The following SEZ6 variants were observed in gnomAD, a reference collection of about 807,000 sequenced individuals.
The protein encoded by SEZ6 is seizure protein 6 homolog.
SEZ6 carries 53 observed loss-of-function variants against 101.0 expected under a neutral mutation model. That is an observed-to-expected ratio of 0.52 (90% confidence interval 0.42 to 0.66). SEZ6 has a LOEUF of 0.66. SEZ6 is among the 30% of genes least tolerant of loss of function. The pLI is 0.00. For missense variants in SEZ6, 1,102 were observed against 1,289.4 expected (o/e 0.85, Z 2.23); for synonymous variants, 488 against 512.2 (o/e 0.95, Z 0.64).
At position 28,960,947 on chromosome 17, in the gene SEZ6, C is replaced by T. The variant is rs769823626; in HGVS notation, c.1267G>A (p.Ala423Thr). 2.7e-5 allele frequency: 43 copies of T among 1,613,504 alleles called. No individual in the cohort carries two copies. The highest frequency in any genetic ancestry group is 3.3e-4 in the Middle Eastern group (2 of 6,082). Residue 423 changes from alanine to threonine, a missense_variant, in exon 6 of 17, where the codon GCC becomes ACC. Physicochemically the swap from Ala to Thr is moderately conservative, Grantham distance 58. Coordinates refer to ENST00000317338, the MANE Select transcript of SEZ6 (RefSeq NM_178860.5). ...GGAGAGACGATGCGGCCGGTGGTGG[C>T]ATTGCGGATCACTCCGCCGCAAGCA... ...IAACGGVIRNATTGRIVSPGF... is the reference protein window; with the variant it reads ...IAACGGVIRNTTTGRIVSPGF...
chr17:28,991,727 ACTT>A (rs767746696), intron 1 of SEZ6, among the ~76,000 whole-genome samples: 5 of 152,098 alleles, frequency 3.3e-5, no homozygotes, highest in Non-Finnish European at 5.9e-5. Context: ...GGAGCCCTGG[ACTT>A]CTTCGAGTTT....
intron 7 of SEZ6, 199 bp downstream of exon 7, chr17:28,960,306 T>C: frequency 1.4e-6 from 1 of 708,450 alleles, no homozygotes; most frequent in Non-Finnish European, 2.3e-6. Context: ...CAGGCAGAGG[T>C]TTCCTGCAAA....
In SEZ6 at chr17:28,959,163, G is replaced by C. The variant is rs548180123; in HGVS notation, c.1969C>G (p.Arg657Gly). ...GGCCCTGAGTACTGGCCCAGAACCC[G>C]GGCCGTCAGGTCATCCCCATCATAG... ...TFYDGDDLTA[R>G]VLGQYSGPRS... The change falls in exon 10 of 17, where the codon CGG (arginine) becomes GGG (glycine). Residue 657 changes from arginine (R) to glycine (G), a missense_variant. Coordinates refer to ENST00000317338, the MANE Select transcript of SEZ6 (RefSeq NM_178860.5). This position sits in a 1 kb window ranked among gnomAD's most constrained non-coding sequence, Gnocchi z 4.4. 6.2e-7 allele frequency: 1 copy of C among 1,613,632 alleles called. No individual in the cohort carries two copies. The highest frequency in any genetic ancestry group is 8.5e-7 in the Non-Finnish European group (1 of 1,179,746).
chr17:28,993,241 C>T (rs1375632862), intron 1 of SEZ6, among the ~76,000 whole-genome samples: 3 of 152,126 alleles, frequency 2.0e-5, no homozygotes. Flanking sequence ...GACTGGGCTT[C>T]GTTCTCTCCC....
intron 1 of SEZ6, among the ~76,000 whole-genome samples, chr17:29,003,940 C>T (rs1488261605): frequency 6.6e-6 from 1 of 152,172 alleles, no homozygotes; most frequent in Non-Finnish European, 1.5e-5. Flanking sequence ...GCAGATTCCT[C>T]CTAACACTCA....
intron 3 of SEZ6, among the ~76,000 whole-genome samples, chr17:28,970,176 T>A (rs1451654534): frequency 6.6e-6 from 1 of 152,100 alleles, no homozygotes; most frequent in African/African-American, 2.4e-5. Context: ...TTATCCAAGG[T>A]CACATAGAGA....
intron 3 of SEZ6, among the ~76,000 whole-genome samples, chr17:28,970,444 C>T (rs1334430159): frequency 6.6e-6 from 1 of 152,260 alleles, no homozygotes; most frequent in East Asian, 1.9e-4. Context: ...TGCTAGGTGA[C>T]TGTCTTCCCC....
At chr17:28,989,437 T>G (rs1173991631) in intron 1 of SEZ6, among the ~76,000 whole-genome samples, 1 of 152,210 alleles carries the variant, frequency 6.6e-6, no homozygotes, top group Non-Finnish European at 1.5e-5. Flanking sequence ...TGGATGCTAA[T>G]GCAGTCTGAT....
chr17:28,978,600 A>G (rs533139100), intron 3 of SEZ6, among the ~76,000 whole-genome samples: 26 of 152,258 alleles, frequency 1.7e-4, no homozygotes, highest in Non-Finnish European at 3.1e-4. Context: ...GGTTTGGCCC[A>G]TTCAGTTAGC....
rs2152682378 is a variant in SEZ6, at chr17:28,955,545, C to A, written c.*417G>T. 2.2e-6 allele frequency: 1 copy of A among 444,558 alleles called. No individual in the cohort carries two copies. The highest frequency in any genetic ancestry group is 6.7e-5 in the East Asian group (1 of 14,858). The allele number at this position is 444,558 out of a possible 1,614,324, so 27.5% of individuals were successfully genotyped here. A position where few individuals can be genotyped will look rare whatever the true frequency, so the allele number is the denominator to read the frequency against. On this transcript the variant is annotated 3_prime_UTR_variant, in exon 17 of 17. Coordinates refer to ENST00000317338, the MANE Select transcript of SEZ6 (RefSeq NM_178860.5). ...TGGCGCTGTGAGGAGTACCCTGGTGCAGTTCCCACCATGGTCAAGTTAATC... is the reference window on the plus strand; with the variant it reads ...TGGCGCTGTGAGGAGTACCCTGGTGAAGTTCCCACCATGGTCAAGTTAATC...
intron 4 of SEZ6, among the ~76,000 whole-genome samples, chr17:28,968,631 A>G (rs1486044522): frequency 6.6e-6 from 1 of 152,120 alleles, no homozygotes; most frequent in African/African-American, 2.4e-5. Context: ...CCCTGCTGCT[A>G]TGCCAGACTG....
chr17:28,979,975 C>A (rs1288820468), intron 2 of SEZ6, among the ~76,000 whole-genome samples, 162 bp from the exon 3 acceptor site: 2 of 150,750 alleles, frequency 1.3e-5, no homozygotes, highest in Non-Finnish European at 2.9e-5. Flanking sequence ...GGAAGGGGAC[C>A]ACCTTTTATT....
intron 10 of SEZ6, 102 bp from the exon 11 acceptor site, chr17:28,958,243 C>G (rs1265063718): frequency 7.2e-7 from 1 of 1,386,914 alleles, no homozygotes; most frequent in Non-Finnish European, 9.8e-7. Flanking sequence ...TGTCCTGGAC[C>G]TAGACTGTCC....
chr17:28,976,867 A>G (rs1052400025), intron 3 of SEZ6, among the ~76,000 whole-genome samples: 5 of 152,194 alleles, frequency 3.3e-5, no homozygotes, highest in African/African-American at 1.2e-4. Context: ...GCCAGGTGTC[A>G]TCACCTCCAG....
rs767531605 is a variant in SEZ6 at position 28,959,303 on chromosome 17, G to A, written c.1910+31C>T. The A allele has an allele frequency of 1.2e-6, 2 of 1,613,944 alleles. No homozygotes were observed. Among genetic ancestry groups the A allele is most frequent in the Non-Finnish European group, 1.7e-6 (2 of 1,179,864 alleles). On this transcript the variant is annotated intron_variant, in intron 9 of 16. Coordinates refer to ENST00000317338, the MANE Select transcript of SEZ6 (RefSeq NM_178860.5). The surrounding 1 kb of genome is among the most constrained non-coding windows in gnomAD (Gnocchi z 4.4). ...CAAGGGATATCCCCAGACCTCAGGAGTTGGCTCGGCCTGACCCGGTAGGCA... is the reference window on the plus strand; with the variant it reads ...CAAGGGATATCCCCAGACCTCAGGAATTGGCTCGGCCTGACCCGGTAGGCA...
At chr17:28,970,038 C>T in intron 3 of SEZ6, 86 bp from the exon 4 acceptor site, 6 of 1,281,234 alleles carry the variant, frequency 4.7e-6, no homozygotes, top group Middle Eastern at 1.9e-4. Flanking sequence ...TCCTGCAGGC[C>T]CCGGGCAGAT....
intron 1 of SEZ6, among the ~76,000 whole-genome samples, chr17:29,000,216 A>C (rs1377307524): frequency 6.6e-6 from 1 of 152,234 alleles, no homozygotes; most frequent in East Asian, 1.9e-4. Context: ...TTCTGCCTGT[A>C]GTGAAGCTCT....
chr17:28,958,085 T>A lies in SEZ6; in HGVS notation c.2164A>T (p.Ser722Cys). 6.2e-7 allele frequency: 1 copy of A among 1,609,808 alleles called. No homozygotes were observed. Among genetic ancestry groups the A allele is most frequent in the Non-Finnish European group, 8.5e-7 (1 of 1,176,490 alleles). ...TGCACTAGCTCAGGCTGCGATGGGC[T>A]CTTCCAGCCATTGGGGATCTCAGGC... ...ELPEIPNGWKSPSQPELVHGT... is the reference protein window; with the variant it reads ...ELPEIPNGWKCPSQPELVHGT... The change falls in exon 11 of 17, where the codon AGC (serine) becomes TGC (cysteine). Residue 722 changes from serine to cysteine, a missense_variant. Physicochemically the swap from Ser to Cys is moderately radical, Grantham distance 112. Transcript: ENST00000317338.
intron 13 of SEZ6, 50 bp downstream of exon 13, chr17:28,956,995 G>C: frequency 2.0e-6 from 3 of 1,504,806 alleles, no homozygotes; most frequent in Non-Finnish European, 2.7e-6. Flanking sequence ...ATCTTTGCCA[G>C]AGCAGCTCTA....
Sources: gnomAD v4.1 joint callset for allele counts (sites outside exome capture counted in the v4.1 genomes callset) on GRCh38, gnomAD v4.1.1 for gene constraint, Gnocchi (gnomAD v3.1) non-coding constraint, MANE v1.5 for transcripts, NCBI Gene and HGNC (gene_info 2026-07-23, HGNC 2026-07-21) for gene names.